ANTXR2: variants seen among roughly 807,000 people sequenced by gnomAD.
The protein encoded by ANTXR2 is anthrax toxin receptor 2.
Under a neutral mutation model 73.7 loss-of-function variants are expected in ANTXR2, and 44 were observed. The observed-to-expected ratio is 0.60, with a 90% CI of 0.47 to 0.77. ANTXR2 has a LOEUF of 0.77. Ranked by LOEUF, ANTXR2 falls within the 30% of genes least tolerant of loss-of-function variation. ANTXR2 has a pLI of 0.00. For missense variants in ANTXR2, 604 were observed against 592.5 expected, an observed-to-expected ratio of 1.02 and a Z score of -0.20; for synonymous variants, 217 against 205.9, an observed-to-expected ratio of 1.05 and a Z score of -0.46.
At chr4:80,044,595 C>T (rs950774308) in intron 7 of ANTXR2, among the ~76,000 whole-genome samples, 1 of 151,852 alleles carries the variant, frequency 6.6e-6, no homozygotes, top group Non-Finnish European at 1.5e-5. Flanking sequence ...AGAGAAACAT[C>T]TATGAGCTAG....
chr4:80,021,207 T>C (rs1732147350), intron 10 of ANTXR2, among the ~76,000 whole-genome samples: 1 of 150,160 alleles, frequency 6.7e-6, no homozygotes, highest in South Asian at 2.1e-4. Context: ...GAATAAGAAT[T>C]CCGGATGTTT....
chr4:79,926,967 GTGTATATATACGTGTGCATATA>G (rs1259389520), intron 16 of ANTXR2, among the ~76,000 whole-genome samples: 1 of 45,598 alleles, frequency 2.2e-5, no homozygotes, highest in African/African-American at 8.1e-5. Flanking sequence ...GTGCATATAT[GTGTATATATACGTGTGCATATA>G]TGTGTATATA....
chr4:79,951,584 A>G (rs907437824), intron 16 of ANTXR2, among the ~76,000 whole-genome samples: 3 of 116,094 alleles, frequency 2.6e-5, no homozygotes, highest in Non-Finnish European at 6.5e-5. Context: ...TCAAAAAACA[A>G]CAACAACAAA....
chr4:79,916,941 G>A (rs1727378747), intron 16 of ANTXR2, among the ~76,000 whole-genome samples: 1 of 152,056 alleles, frequency 6.6e-6, no homozygotes, highest in Admixed American at 6.6e-5. Flanking sequence ...CAGGTGAGAG[G>A]TACAGAGTAG....
chr4:79,974,553 A>G (rs59367880), intron 16 of ANTXR2, among the ~76,000 whole-genome samples: 15,107 of 151,978 alleles, frequency 0.099, 2,452 homozygotes, highest in African/African-American at 0.34. Flanking sequence ...TGTCACCAAA[A>G]TTCATTTGGA....
intron 16 of ANTXR2, among the ~76,000 whole-genome samples, chr4:79,938,034 G>A (rs1424637708): frequency 2.0e-5 from 1 of 49,794 alleles, no homozygotes; most frequent in Middle Eastern, 4.7e-3. Context: ...AAGAAACGGC[G>A]CACCACGAGA....
At position 80,033,486 on chromosome 4, in the gene ANTXR2, T is replaced by TGAAA. The variant is rs1293477206; in HGVS notation, c.781_782insTTTC (p.Glu261ValfsTer16). 6.3e-7 allele frequency: 1 copy of TGAAA among 1,598,456 alleles called. No individual in the cohort carries two copies. Among genetic ancestry groups the TGAAA allele is most frequent in the Non-Finnish European group, 8.5e-7 (1 of 1,173,298 alleles). ...TGGGGACCTACTCGTTGTATATGTTTCATTTACAGTGTAAGTGCAGAGAAC... is the reference window on the plus strand; with the variant it reads ...TGGGGACCTACTCGTTGTATATGTTTGAAACATTTACAGTGTAAGTGCAGAGAAC... On this transcript the variant is annotated frameshift_variant, in exon 9 of 17. Coordinates refer to ENST00000403729, the MANE Select transcript of ANTXR2 (RefSeq NM_058172.6). LOFTEE classifies it high-confidence loss of function.
intron 12 of ANTXR2, among the ~76,000 whole-genome samples, chr4:80,007,396 AT>A (rs1007477783): frequency 7.2e-5 from 11 of 152,006 alleles, no homozygotes; most frequent in East Asian, 3.9e-4. Flanking sequence ...CCTTAAGATA[AT>A]TTTTTTTCTA....
chr4:80,004,141 GA>G (rs965697496), intron 12 of ANTXR2, among the ~76,000 whole-genome samples: 1 of 145,352 alleles, frequency 6.9e-6, no homozygotes, highest in Non-Finnish European at 1.5e-5. Flanking sequence ...TATGCTGAAT[GA>G]AAAAAAGCCA....
chr4:80,056,288 A>G (rs540998531), intron 3 of ANTXR2, among the ~76,000 whole-genome samples: 125 of 152,004 alleles, frequency 8.2e-4, no homozygotes, highest in African/African-American at 3.0e-3. Flanking sequence ...CTGAGAACAG[A>G]TATCTTCAAT....
At chr4:80,001,365 G>A (rs983716726) in intron 12 of ANTXR2, among the ~76,000 whole-genome samples, 3 of 131,678 alleles carry the variant, frequency 2.3e-5, no homozygotes, top group Non-Finnish European at 4.6e-5. Flanking sequence ...CCCTTCCTGT[G>A]TCCATGTGAT....
intron 16 of ANTXR2, chr4:79,964,903 C>T (rs1414890148): frequency 6.6e-6 from 1 of 152,264 alleles, no homozygotes; most frequent in Non-Finnish European, 1.5e-5. Context: ...AGCCCGGGCC[C>T]GGCGTGCGGC....
chr4:79,993,908 A>G (rs60195747), intron 12 of ANTXR2, among the ~76,000 whole-genome samples: 15,792 of 151,732 alleles, frequency 0.1, 1,875 homozygotes, highest in East Asian at 0.64. Context: ...GATGGTCCTG[A>G]GTTATCTGGT....
At chr4:80,032,985 T>TA (rs1315559917) in intron 9 of ANTXR2, among the ~76,000 whole-genome samples, 1 of 149,568 alleles carries the variant, frequency 6.7e-6, no homozygotes, top group Admixed American at 6.7e-5. Context: ...GGAAATTAGA[T>TA]AAAGAAAACA....
At chr4:80,049,267 CT>C (rs1351272994) in intron 7 of ANTXR2, among the ~76,000 whole-genome samples, 4 of 151,640 alleles carry the variant, frequency 2.6e-5, no homozygotes, top group Admixed American at 2.0e-4. Context: ...TTAATGTTAT[CT>C]TCCATAGTCT....
chr4:80,007,602 C>T (rs916087840), intron 12 of ANTXR2, among the ~76,000 whole-genome samples: 6 of 152,130 alleles, frequency 3.9e-5, no homozygotes, highest in African/African-American at 1.4e-4. Context: ...CCAATCTAAT[C>T]CCATGGTTCC....
chr4:80,009,156 G>C (rs1282788316), intron 11 of ANTXR2, among the ~76,000 whole-genome samples: 3 of 152,172 alleles, frequency 2.0e-5, no homozygotes, highest in African/African-American at 7.2e-5. Context: ...TCATAAATCA[G>C]ATGTTCTCTC....
At chr4:79,983,287 A>G (rs987075996) in intron 14 of ANTXR2, among the ~76,000 whole-genome samples, 3 of 152,078 alleles carry the variant, frequency 2.0e-5, no homozygotes, top group Non-Finnish European at 2.9e-5. Flanking sequence ...GTTCATGGTG[A>G]TAATAAAATC....
At chr4:80,052,471 T>G (rs1314965793) in intron 7 of ANTXR2, among the ~76,000 whole-genome samples, 1 of 151,708 alleles carries the variant, frequency 6.6e-6, no homozygotes, top group Non-Finnish European at 1.5e-5. Flanking sequence ...TCTCAACCAT[T>G]AATCAAACCA....
Sources: allele counts gnomAD v4.1 joint callset (sites outside exome capture counted in the v4.1 genomes callset), GRCh38; gene constraint gnomAD v4.1.1; transcripts MANE v1.5; gene names NCBI Gene and HGNC (gene_info 2026-07-23, HGNC 2026-07-21).